Variants in RABGAP1 observed in about 807,000 individuals in gnomAD.
RABGAP1 encodes RAB GTPase activating protein 1, also known as rab GTPase-activating protein 1.
A neutral mutation model predicts 137.6 loss-of-function variants in RABGAP1; 23 were observed. The ratio of observed to expected loss-of-function variants is 0.17; its 90% CI spans 0.12 to 0.24. The LOEUF (loss-of-function observed/expected upper bound fraction) is 0.24, where lower values mean the gene tolerates loss of function less well. RABGAP1 is among the 10% of genes least tolerant of loss of function. RABGAP1 has a pLI of 1.00. For missense variants in RABGAP1, 906 were observed against 1,275.8 expected (o/e 0.71, Z 4.42); for synonymous variants, 451 against 450.7 (o/e 1.00, Z -0.01).
intron 1 of RABGAP1, among the ~76,000 whole-genome samples, chr9:122,951,530 CTGT>C (rs1207179604): frequency 6.6e-6 from 1 of 151,872 alleles, no homozygotes; most frequent in Admixed American, 6.6e-5. Flanking sequence ...CCATTTCACT[CTGT>C]TAACTACAGT....
At chr9:123,052,810 CACGCCTG>C (rs2033543655) in intron 13 of RABGAP1, among the ~76,000 whole-genome samples, 2 of 152,166 alleles carry the variant, frequency 1.3e-5, no homozygotes, top group Non-Finnish European at 2.9e-5. Flanking sequence ...CATGATGGTG[CACGCCTG>C]TAATCCCAGC....
Position 123,048,260 on chromosome 9 carries a change from C to G in RABGAP1, c.1795-17088C>G, listed in dbSNP as rs141375795. Among the ~76,000 whole-genome samples, 366 of 152,176 alleles carry G rather than the reference C, an allele frequency of 2.4e-3. 2 individuals are homozygous for G. The highest frequency in any genetic ancestry group is 8.3e-3 in the African/African-American group (345 of 41,516). On this transcript the variant is annotated intron_variant, in intron 13 of 25. Transcript: ENST00000373647. ...AATCAACTGCTGTATATTTTTGCTA[C>G]TCAATAGACACATTTAAATCTCTGA...
intron 11 of RABGAP1, 131 bp downstream of exon 11, chr9:123,010,659 C>T (rs2030729221): frequency 1.1e-6 from 1 of 875,424 alleles, no homozygotes; most frequent in Non-Finnish European, 1.7e-6. Context: ...TGAGAGTTTA[C>T]TATATGTAAG....
intron 17 of RABGAP1, among the ~76,000 whole-genome samples, chr9:123,074,629 C>G (rs779241671): frequency 6.6e-6 from 1 of 152,174 alleles, no homozygotes; most frequent in African/African-American, 2.4e-5. Flanking sequence ...TCTGAAAAGA[C>G]GTACTGAATT....
rs117631575 is a variant in RABGAP1 at position 123,095,624 on chromosome 9, C to T, written c.2629-2117C>T. ...GGCTGAGATGGGAGTATTGTTTGAG[C>T]GCAGGAGTTCAAGGTTATGGTGAGC... On this transcript the variant is annotated intron_variant, in intron 21 of 25. Coordinates refer to ENST00000373647, the MANE Select transcript of RABGAP1 (RefSeq NM_012197.4). Among the ~76,000 whole-genome samples the T allele has an allele frequency of 9.6e-3, 1,460 of 151,700 alleles. 22 individuals are homozygous for T. Among genetic ancestry groups the T allele is most frequent in the East Asian group, 0.032 (165 of 5,164 alleles).
intron 13 of RABGAP1, chr9:123,033,836 A>G (rs1326296083): frequency 6.6e-6 from 1 of 152,242 alleles, no homozygotes; most frequent in Non-Finnish European, 1.5e-5. Flanking sequence ...AAAGTAAATT[A>G]TCTTGGCTAA....
At chr9:122,949,177 A>G (rs1003254705) in intron 1 of RABGAP1, among the ~76,000 whole-genome samples, 1 of 151,838 alleles carries the variant, frequency 6.6e-6, no homozygotes, top group Non-Finnish European at 1.5e-5. Context: ...GGAGTTTGAG[A>G]CCAGCTTGGT....
At chr9:123,033,213 A>G (rs2032401870) in intron 13 of RABGAP1, among the ~76,000 whole-genome samples, 1 of 152,184 alleles carries the variant, frequency 6.6e-6, no homozygotes, top group African/African-American at 2.4e-5. Flanking sequence ...GCCATACGCC[A>G]TACACTTAAA....
intron 2 of RABGAP1, among the ~76,000 whole-genome samples, chr9:122,974,854 G>C (rs973685847): frequency 1.3e-5 from 2 of 152,064 alleles, no homozygotes; most frequent in Non-Finnish European, 2.9e-5. Flanking sequence ...CTGATAATCA[G>C]AACAGCCATG....
In RABGAP1 at chr9:122,997,356, C is replaced by T. The variant is rs747224854; in HGVS notation, c.1199C>T (p.Pro400Leu). Residue 400 changes from proline to leucine, a missense_variant, in exon 9 of 26, where the codon CCT (proline) becomes CTT (leucine). By Grantham distance (98) the Pro-to-Leu change is moderately conservative (BLOSUM62 -3). Coordinates refer to ENST00000373647, the MANE Select transcript of RABGAP1 (RefSeq NM_012197.4). ...PHFQVVNEET[P>L]KDKVLFMTTA... is the part of the protein sequence containing the mutation. ...TTTCAAGTTGTAAATGAAGAAACTC[C>T]TAAAGGTGATACAGATTGTTGACAT... is the stretch of plus-strand genomic sequence containing the variant. 1 of 1,596,326 alleles carries T rather than the reference C, an allele frequency of 6.3e-7. No homozygotes were observed. Among genetic ancestry groups the T allele is most frequent in the Non-Finnish European group, 8.6e-7 (1 of 1,167,502 alleles).
chr9:123,004,932 C>T (rs996728507), intron 10 of RABGAP1, among the ~76,000 whole-genome samples: 1 of 151,196 alleles, frequency 6.6e-6, no homozygotes, highest in Non-Finnish European at 1.5e-5. Context: ...GGTGCACATC[C>T]GTAATCCCAG....
intron 2 of RABGAP1, among the ~76,000 whole-genome samples, chr9:122,958,343 T>C (rs1834653679): frequency 6.6e-6 from 1 of 151,978 alleles, no homozygotes; most frequent in South Asian, 2.1e-4. Context: ...AGAGCTTTAA[T>C]TCTAATGGGG....
At chr9:122,998,509 A>T in intron 9 of RABGAP1, 88 bp from the exon 10 acceptor site, 1 of 1,137,808 alleles carries the variant, frequency 8.8e-7, no homozygotes, top group Non-Finnish European at 1.2e-6. Flanking sequence ...AAAGTTTATA[A>T]TAAAAGTAAT....
chr9:122,959,364 CAAAAAAAA>C (rs33932737), intron 2 of RABGAP1, among the ~76,000 whole-genome samples: 8 of 107,746 alleles, frequency 7.4e-5, no homozygotes, highest in African/African-American at 1.9e-4. Context: ...TGGGGCTTTA[CAAAAAAAA>C]AAAAAAAAAA....
intron 10 of RABGAP1, among the ~76,000 whole-genome samples, chr9:123,004,443 C>G (rs572167305): frequency 4.6e-5 from 7 of 152,026 alleles, no homozygotes; most frequent in African/African-American, 1.7e-4. Context: ...CACTACCATG[C>G]CTGGCTAATT....
rs138943315 is a variant in RABGAP1 at position 123,044,942 on chromosome 9, A to T, written c.1795-20406A>T. On this transcript the variant is annotated intron_variant, in intron 13 of 25. Coordinates refer to ENST00000373647, the MANE Select transcript of RABGAP1 (RefSeq NM_012197.4). ...AACCCAAAGGATCAACAGACTAAAG[A>T]CTGTAATGAAGTGATCTACAATTTA... is the stretch of plus-strand genomic sequence containing the variant. Among the ~76,000 whole-genome samples, 831 of 152,262 alleles carry T rather than the reference A, an allele frequency of 5.5e-3. 7 individuals are homozygous for T. The highest frequency in any genetic ancestry group is 9.6e-3 in the Non-Finnish European group (656 of 68,014).
intron 1 of RABGAP1, among the ~76,000 whole-genome samples, chr9:122,945,147 C>CTTTTTTTTCTTTTTTTTTTTTTTTTT (rs1833874522): frequency 1.3e-5 from 1 of 75,772 alleles, no homozygotes; most frequent in Non-Finnish European, 2.9e-5. Context: ...ATAGCTGTTG[C>CTTTTTTTTCTTTTTTTTTTTTTTTTT]TTTTTTTTTT....
chr9:123,064,024 G>GA (rs2034079031), intron 13 of RABGAP1, among the ~76,000 whole-genome samples: 1 of 152,072 alleles, frequency 6.6e-6, no homozygotes, highest in African/African-American at 2.4e-5. Context: ...ATTTGTGTGC[G>GA]TGCTCTCTCA....
intron 19 of RABGAP1, among the ~76,000 whole-genome samples, chr9:123,085,379 GT>G (rs1455544270): frequency 6.6e-6 from 1 of 152,206 alleles, no homozygotes; most frequent in African/African-American, 2.4e-5. Flanking sequence ...GACTTTCAAA[GT>G]AGTGCTATTT....
Sources: gnomAD v4.1 joint callset for allele counts (sites outside exome capture counted in the v4.1 genomes callset) on GRCh38, gnomAD v4.1.1 for gene constraint, MANE v1.5 for transcripts, NCBI Gene and HGNC (gene_info 2026-07-23, HGNC 2026-07-21) for gene names.